Variants in CHD2 observed in about 807,000 individuals in gnomAD.
The protein encoded by CHD2 is chromodomain helicase DNA binding protein 2, also known as ATP-dependent chromatin remodeler CHD2.
In CHD2, 28 loss-of-function variants were observed where a neutral mutation model predicts 243.9. The ratio of observed to expected loss-of-function variants is 0.11; its 90% CI spans 0.09 to 0.16. CHD2 has a LOEUF of 0.16. Among genes scored for constraint, CHD2 ranks in the 10% least tolerant of loss-of-function variants. The probability of loss-of-function intolerance (pLI) is 1.00; values close to 1 mark genes in which losing one functional copy is unlikely to be tolerated. For missense variants in CHD2, 1,386 were observed against 2,209.8 expected (o/e 0.63, Z 7.47); for synonymous variants, 775 against 779.0 (o/e 0.99, Z 0.09).
At position 92,990,875 on chromosome 15, in the gene CHD2, G is replaced by A. The variant is rs78529564; in HGVS notation, c.3414-601G>A. On this transcript the variant is annotated intron_variant, in intron 26 of 38. Coordinates refer to ENST00000394196, the MANE Select transcript of CHD2 (RefSeq NM_001271.4). ...TGAGTTGGTATGTAGCATAGTTTAGGGTAGAGACTTGCAGGAAGATAGATT... is the reference window on the plus strand; with the variant it reads ...TGAGTTGGTATGTAGCATAGTTTAGAGTAGAGACTTGCAGGAAGATAGATT... Among the ~76,000 whole-genome samples the A allele has an allele frequency of 5.2e-3, 796 of 152,256 alleles. 11 individuals carry two copies. Among genetic ancestry groups the A allele is most frequent in the African/African-American group, 0.018 (757 of 41,562 alleles).
At chr15:92,901,048 T>C in intron 1 of CHD2, 119 bp from the exon 2 acceptor site, 2 of 599,782 alleles carry the variant, frequency 3.3e-6, no homozygotes, top group Non-Finnish European at 6.0e-6. Flanking sequence ...ATATTTAGTT[T>C]TTTGGTGCTT....
chr15:92,945,695 C>T (rs2053455662), intron 10 of CHD2, 126 bp from the exon 11 acceptor site: 1 of 558,782 alleles, frequency 1.8e-6, no homozygotes, highest in Non-Finnish European at 3.0e-6. Context: ...ACTATAATCC[C>T]ATTTTTTTTT....
At chr15:93,010,307 T>C (rs1485125862) in intron 35 of CHD2, among the ~76,000 whole-genome samples, 1 of 146,198 alleles carries the variant, frequency 6.8e-6, no homozygotes, top group Non-Finnish European at 1.6e-5. Context: ...AAGTGCCTTT[T>C]TCATATAATG....
intron 26 of CHD2, among the ~76,000 whole-genome samples, chr15:92,987,925 T>G (rs1438891052): frequency 1.3e-5 from 2 of 152,166 alleles, no homozygotes; most frequent in Admixed American, 1.3e-4. Flanking sequence ...CAATTTACTT[T>G]GAATTAACAT....
chr15:92,971,443 G>T (rs2053840277), intron 17 of CHD2, among the ~76,000 whole-genome samples: 1 of 151,964 alleles, frequency 6.6e-6, no homozygotes, highest in Admixed American at 6.6e-5. Context: ...TAAAATGTAT[G>T]TATGTATGTG....
intron 2 of CHD2, among the ~76,000 whole-genome samples, chr15:92,910,210 G>A (rs1051499901): frequency 1.4e-4 from 21 of 152,048 alleles, no homozygotes; most frequent in African/African-American, 4.8e-4. Context: ...GTTTCGCCAC[G>A]TTTCCCAGGC....
chr15:92,953,010 T>A, intron 13 of CHD2, among the ~76,000 whole-genome samples: 1 of 152,248 alleles, frequency 6.6e-6, no homozygotes, highest in East Asian at 1.9e-4. Context: ...TGATGGAGTC[T>A]AAGGTTACAT....
chr15:92,995,903 T>G (rs956737123), intron 28 of CHD2, among the ~76,000 whole-genome samples: 1 of 152,172 alleles, frequency 6.6e-6, no homozygotes, highest in African/African-American at 2.4e-5. Context: ...TTGTTAAACG[T>G]TTGGAGTTTT....
At chr15:92,948,051 C>T (rs1056167199) in intron 12 of CHD2, among the ~76,000 whole-genome samples, 5 of 152,126 alleles carry the variant, frequency 3.3e-5, no homozygotes, top group African/African-American at 4.8e-5. Context: ...ACTTTTTGAT[C>T]GGTTGTTTCC....
intron 27 of CHD2, 146 bp from the exon 28 acceptor site, chr15:92,992,707 GGTTCTT>G: frequency 1.3e-6 from 1 of 780,450 alleles, no homozygotes; most frequent in Non-Finnish European, 2.0e-6. Context: ...AATGTCCAGG[GGTTCTT>G]GTTGGAGCCT....
At chr15:92,939,900 T>C (rs1042010603) in intron 7 of CHD2, among the ~76,000 whole-genome samples, 182 bp downstream of exon 7, 1 of 152,210 alleles carries the variant, frequency 6.6e-6, no homozygotes, top group Non-Finnish European at 1.5e-5. Context: ...CCAAGGGGAA[T>C]AGGAAAAGAG....
intron 19 of CHD2, chr15:92,974,111 C>G (rs1299574445): frequency 6.6e-6 from 1 of 152,064 alleles, no homozygotes; most frequent in South Asian, 2.1e-4. Context: ...GGATGAAATG[C>G]AAAAATGATT....
At chr15:92,936,102 C>G (rs1218927965) in intron 5 of CHD2, among the ~76,000 whole-genome samples, 1 of 152,112 alleles carries the variant, frequency 6.6e-6, no homozygotes, top group Non-Finnish European at 1.5e-5. Flanking sequence ...TAAAATTGCT[C>G]CACTGACCGT....
intron 21 of CHD2, 85 bp from the exon 22 acceptor site, chr15:92,979,049 GT>G: frequency 1.3e-6 from 2 of 1,529,520 alleles, no homozygotes; most frequent in Non-Finnish European, 1.8e-6. Context: ...CCCCTCTTGG[GT>G]TTTGACAGAG....
Position 92,985,642 on chromosome 15 carries a change from G to A in CHD2, c.3382G>A (p.Val1128Met), listed in dbSNP as rs776091604. The A allele has an allele frequency of 7.4e-6, 12 of 1,613,074 alleles. No homozygotes were observed. Among genetic ancestry groups the A allele is most frequent in the African/African-American group, 1.3e-5 (1 of 75,054 alleles). The change falls in exon 26 of 39, where the codon GTG (valine) becomes ATG (methionine). Residue 1128 changes from valine to methionine, a missense_variant. By Grantham distance (21) the Val-to-Met change is conservative. Transcript: ENST00000394196. The part of the protein sequence containing the change: ...GRPRSVRKDL[V>M]EGFTDAEIRR... ...TCCGAGGAGTGTGCGGAAGGACCTC[G>A]TGGAGGGATTTACTGATGCAGAGAT...
chr15:93,014,741 C>T lies in CHD2; in HGVS notation c.4738C>T (p.Arg1580Cys). 1.2e-6 allele frequency: 2 copies of T among 1,614,144 alleles called. No homozygotes were observed. The highest frequency in any genetic ancestry group is 1.3e-5 in the African/African-American group (1 of 75,016). Residue 1580 changes from arginine to cysteine, a missense_variant, in exon 37 of 39, where the codon CGT (arginine) becomes TGT (cysteine). Arg to Cys is a radical substitution (Grantham distance 180). Transcript: ENST00000394196. ...DDVTGGKKPF[R>C]PEASGSSRDS... is the part of the protein sequence containing the mutation. The stretch of plus-strand genomic sequence containing the variant: ...CGTGACTGGGGGTAAGAAACCATTT[C>T]GTCCAGAGGCCTCAGGCTCCAGCCG...
At chr15:92,970,954 C>G (rs752284190) in intron 17 of CHD2, among the ~76,000 whole-genome samples, 1 of 152,162 alleles carries the variant, frequency 6.6e-6, no homozygotes, top group African/African-American at 2.4e-5. Context: ...ATGAATATAT[C>G]TGTATTTCTC....
intron 2 of CHD2, among the ~76,000 whole-genome samples, chr15:92,911,547 G>A (rs979559715): frequency 2.6e-5 from 4 of 152,142 alleles, no homozygotes; most frequent in African/African-American, 9.7e-5. Flanking sequence ...AGACCAGCCT[G>A]GCCAACATGG....
chr15:93,000,266 G>A (rs1348417382), intron 31 of CHD2, among the ~76,000 whole-genome samples: 2 of 151,282 alleles, frequency 1.3e-5, no homozygotes, highest in East Asian at 1.9e-4. Flanking sequence ...ACTCCATCTC[G>A]GAAAAAAAAA....
Sources: gnomAD v4.1 joint callset for allele counts (sites outside exome capture counted in the v4.1 genomes callset) on GRCh38, gnomAD v4.1.1 for gene constraint, MANE v1.5 for transcripts, NCBI Gene and HGNC (gene_info 2026-07-23, HGNC 2026-07-21) for gene names.